The following EYS variants were observed in gnomAD, a reference collection of about 807,000 sequenced individuals.
EYS encodes protein eyes shut homolog.
In EYS, 250 loss-of-function variants were observed where a neutral mutation model predicts 282.1. That is an observed-to-expected ratio of 0.89 (90% CI 0.80 to 0.98). The LOEUF (loss-of-function observed/expected upper bound fraction) is 0.98, where lower values mean the gene tolerates loss of function less well. Among genes scored for constraint, EYS ranks in the 50% least tolerant of loss-of-function variants. The pLI, the probability that EYS is intolerant of heterozygous loss-of-function variation, is 0.00. For synonymous variants in EYS, 1,355 were observed against 1,282.9 expected, an observed-to-expected ratio of 1.06 and a Z score of -1.20; for missense variants, 4,016 against 3,709.0, an observed-to-expected ratio of 1.08 and a Z score of -2.15.
chr6:65,221,567 T>C (rs1766466242), intron 12 of EYS, among the ~76,000 whole-genome samples: 1 of 152,226 alleles, frequency 6.6e-6, no homozygotes, highest in Non-Finnish European at 1.5e-5. Context: ...CCTGGATATC[T>C]GGGCAGAAGT....
At chr6:65,366,285 G>A (rs910831807) in intron 8 of EYS, among the ~76,000 whole-genome samples, 7 of 151,716 alleles carry the variant, frequency 4.6e-5, no homozygotes, top group African/African-American at 9.7e-5. Flanking sequence ...TCTGCTAAAC[G>A]TGCCAACCAT....
chr6:63,852,021 G>C (rs1772267245), intron 36 of EYS, among the ~76,000 whole-genome samples: 1 of 151,610 alleles, frequency 6.6e-6, no homozygotes, highest in South Asian at 2.1e-4. Context: ...GCCAGGCGTA[G>C]TGGCGGGCAC....
At chr6:63,790,998 T>C (rs1228776939) in intron 37 of EYS, among the ~76,000 whole-genome samples, 2 of 152,176 alleles carry the variant, frequency 1.3e-5, no homozygotes, top group African/African-American at 4.8e-5. Context: ...ATTATTATCC[T>C]TAGGTCCTTG....
intron 1 of EYS, among the ~76,000 whole-genome samples, chr6:65,644,460 A>T (rs1767385833): frequency 6.6e-6 from 1 of 152,220 alleles, no homozygotes; most frequent in Admixed American, 6.5e-5. Context: ...TCCGTGGAAG[A>T]AGAGAAATCA....
intron 35 of EYS, among the ~76,000 whole-genome samples, chr6:63,874,279 A>G (rs909676289): frequency 6.6e-6 from 1 of 152,210 alleles, no homozygotes; most frequent in Non-Finnish European, 1.5e-5. Flanking sequence ...TGTTTTTGCC[A>G]GATTTGTCAA....
chr6:64,428,576 A>T (rs1263666021), intron 28 of EYS, among the ~76,000 whole-genome samples: 1 of 152,140 alleles, frequency 6.6e-6, no homozygotes, highest in Non-Finnish European at 1.5e-5. Flanking sequence ...ATACCTGTTG[A>T]AGCCTATACT....
chr6:64,699,871 C>G (rs181950542), intron 22 of EYS, among the ~76,000 whole-genome samples: 1 of 151,840 alleles, frequency 6.6e-6, no homozygotes, highest in Admixed American at 6.6e-5. Flanking sequence ...ATGTCAAGGC[C>G]GGAAAGGGAC....
chr6:64,305,696 C>G (rs1373267561), intron 30 of EYS, among the ~76,000 whole-genome samples: 1 of 152,036 alleles, frequency 6.6e-6, no homozygotes, highest in African/African-American at 2.4e-5. Flanking sequence ...CAGAATGACC[C>G]AAATAGTTGG....
intron 26 of EYS, among the ~76,000 whole-genome samples, chr6:64,474,729 G>C (rs1444260914): frequency 1.3e-5 from 2 of 152,168 alleles, no homozygotes; most frequent in African/African-American, 4.8e-5. Flanking sequence ...TACTCAAGAA[G>C]AACAATACAG....
chr6:64,687,197 A>G (rs1381863439), intron 22 of EYS, among the ~76,000 whole-genome samples: 1 of 151,994 alleles, frequency 6.6e-6, no homozygotes, highest in African/African-American at 2.4e-5. Flanking sequence ...TTAAGTGGCC[A>G]AAGTAACTCT....
rs149448927 is a variant in EYS at position 65,348,526 on chromosome 6, C to T, written c.1460-4349G>A. Among the ~76,000 whole-genome samples, 506 of 151,670 alleles carry T rather than the reference C, an allele frequency of 3.3e-3. 6 individuals carry two copies. The highest frequency in any genetic ancestry group is 0.012 in the African/African-American group (485 of 41,486). On this transcript the variant is annotated intron_variant, in intron 9 of 42. Transcript: ENST00000503581. ...TGCTATTTGCATATCTTCTTTTGAG[C>T]CACATCTATTTAGATCTTTTTTCCC...
intron 5 of EYS, among the ~76,000 whole-genome samples, chr6:65,447,198 C>T (rs9445549): frequency 0.21 from 32,086 of 150,716 alleles, 3,608 homozygotes; most frequent in South Asian, 0.27. Flanking sequence ...GCTTAATCAT[C>T]TGTCTTCCCC....
chr6:64,706,329 AG>A (rs1399388997), intron 22 of EYS, among the ~76,000 whole-genome samples: 1 of 152,152 alleles, frequency 6.6e-6, no homozygotes. Context: ...CTCAAGATAA[AG>A]GACTTTAAGA....
intron 26 of EYS, among the ~76,000 whole-genome samples, chr6:64,494,351 T>A (rs904074426): frequency 6.6e-6 from 1 of 151,674 alleles, no homozygotes; most frequent in Non-Finnish European, 1.5e-5. Context: ...CTTAGATATA[T>A]TCTCAGACTT....
intron 12 of EYS, among the ~76,000 whole-genome samples, chr6:65,191,769 A>G (rs2150240056): frequency 6.6e-6 from 1 of 151,956 alleles, no homozygotes; most frequent in Non-Finnish European, 1.5e-5. Context: ...TTGATATGCT[A>G]ACTTACCCTT....
At position 63,720,853 on chromosome 6, in the gene EYS, T is replaced by G. The variant is rs1241279569; in HGVS notation, c.9178A>C (p.Ile3060Leu). 5 of 1,551,252 alleles carry G rather than the reference T, an allele frequency of 3.2e-6. No individual in the cohort carries two copies. Among genetic ancestry groups the G allele is most frequent in the Admixed American group, 2.0e-5 (1 of 50,960 alleles). ...TCGGAAAGAATTAGACTGTTATTTATGTAGGCCTTGATAAGAGTCTGATTT... is the reference window on the plus strand; with the variant it reads ...TCGGAAAGAATTAGACTGTTATTTAGGTAGGCCTTGATAAGAGTCTGATTT... ...IQNQTLIKAY[I>L]NNSLILSEDI... Residue 3060 changes from isoleucine to leucine, a missense_variant, in exon 43 of 43, where the codon ATA (isoleucine) becomes CTA (leucine). Ile to Leu is a conservative substitution (Grantham distance 5, BLOSUM62 2). Coordinates refer to ENST00000503581, the MANE Select transcript of EYS (RefSeq NM_001142800.2).
intron 12 of EYS, among the ~76,000 whole-genome samples, chr6:65,266,566 C>T (rs1010121163): frequency 7.2e-5 from 11 of 151,760 alleles, no homozygotes; most frequent in African/African-American, 2.7e-4. Context: ...GTAAATTGAT[C>T]GTGGTGCATA....
chr6:65,174,235 G>A (rs904878020), intron 12 of EYS, among the ~76,000 whole-genome samples: 2 of 151,174 alleles, frequency 1.3e-5, no homozygotes, highest in Non-Finnish European at 3.0e-5. Flanking sequence ...TTTATATAAA[G>A]CACACTCCAC....
At chr6:64,631,040 A>G (rs1173764223) in intron 22 of EYS, among the ~76,000 whole-genome samples, 1 of 152,204 alleles carries the variant, frequency 6.6e-6, no homozygotes, top group Admixed American at 6.5e-5. Flanking sequence ...AAAAACTGTT[A>G]AACACTACTA....
Sources: gnomAD v4.1 joint callset for allele counts (sites outside exome capture counted in the v4.1 genomes callset) on GRCh38, gnomAD v4.1.1 for gene constraint, MANE v1.5 for transcripts, NCBI Gene and HGNC (gene_info 2026-07-23, HGNC 2026-07-21) for gene names.